The following STAU2 variants were observed in gnomAD, a reference collection of about 807,000 sequenced individuals.
STAU2 encodes the protein double-stranded RNA-binding protein Staufen homolog 2.
A neutral mutation model predicts 65.9 loss-of-function variants in STAU2; 20 were observed. That is an observed-to-expected ratio of 0.30 (90% CI 0.21 to 0.44). STAU2 has a LOEUF of 0.44. Among genes scored for constraint, STAU2 ranks in the 20% least tolerant of loss-of-function variants. The pLI is 1.00. For synonymous variants in STAU2, 232 were observed against 233.9 expected (o/e 0.99, Z 0.07); for missense variants, 558 against 683.9 (o/e 0.82, Z 2.05).
intron 12 of STAU2, among the ~76,000 whole-genome samples, chr8:73,568,888 T>C (rs1000549135): frequency 2.0e-5 from 3 of 152,168 alleles, no homozygotes; most frequent in African/African-American, 7.2e-5. Context: ...AACAGCTCCA[T>C]GCTGCAGCTC....
chr8:73,543,382 C>T (rs957835390), intron 13 of STAU2, among the ~76,000 whole-genome samples: 1 of 152,118 alleles, frequency 6.6e-6, no homozygotes, highest in Non-Finnish European at 1.5e-5. Flanking sequence ...TCAAACTGTA[C>T]AATATGGGTG....
At chr8:73,662,406 G>A (rs1399961193) in intron 6 of STAU2, among the ~76,000 whole-genome samples, 1 of 152,076 alleles carries the variant, frequency 6.6e-6, no homozygotes, top group African/African-American at 2.4e-5. Flanking sequence ...CATGATCCAT[G>A]TTTAAATTTT....
At chr8:73,738,626 G>C (rs530792165) in intron 2 of STAU2, among the ~76,000 whole-genome samples, 1 of 152,266 alleles carries the variant, frequency 6.6e-6, no homozygotes, top group Non-Finnish European at 1.5e-5. Context: ...TACGTCACTA[G>C]TAGCCACCAT....
chr8:73,673,441 T>C (rs1005466154), intron 5 of STAU2, among the ~76,000 whole-genome samples, 199 bp from the exon 6 acceptor site: 11 of 152,166 alleles, frequency 7.2e-5, no homozygotes, highest in African/African-American at 2.4e-4. Flanking sequence ...GATTTTGCAA[T>C]GTTTTCTGTA....
At chr8:73,587,255 T>C (rs146642576) in intron 11 of STAU2, among the ~76,000 whole-genome samples, 59 of 152,118 alleles carry the variant, frequency 3.9e-4, no homozygotes, top group African/African-American at 1.2e-3. Context: ...GTGGCAAATA[T>C]AAAAAAATTT....
intron 13 of STAU2, among the ~76,000 whole-genome samples, chr8:73,444,252 C>G (rs2128891966): frequency 6.6e-6 from 1 of 151,990 alleles, no homozygotes; most frequent in South Asian, 2.1e-4. Flanking sequence ...ATTAAAAATA[C>G]AAAATTAGCC....
chr8:73,514,891 TATAATCAATTTAGGACTTTATTTACAAA>T (rs1822620805), intron 13 of STAU2, among the ~76,000 whole-genome samples: 1 of 152,188 alleles, frequency 6.6e-6, no homozygotes. Flanking sequence ...AACTTTTAAT[TATAATCAATTTAGGACTTTATTTACAAA>T]ATAGAAGATA....
chr8:73,585,220 C>T (rs1439527196), intron 11 of STAU2, among the ~76,000 whole-genome samples: 1 of 152,242 alleles, frequency 6.6e-6, no homozygotes, highest in Non-Finnish European at 1.5e-5. Context: ...GTGGCTCAAG[C>T]CTGTAATCCC....
At chr8:73,575,058 A>G (rs1809425687) in intron 12 of STAU2, among the ~76,000 whole-genome samples, 1 of 151,466 alleles carries the variant, frequency 6.6e-6, no homozygotes, top group African/African-American at 2.4e-5. Flanking sequence ...AAGAAAAACC[A>G]AACTTTAAAA....
At chr8:73,600,031 G>A (rs886759886) in intron 10 of STAU2, among the ~76,000 whole-genome samples, 3 of 152,162 alleles carry the variant, frequency 2.0e-5, no homozygotes, top group Non-Finnish European at 2.9e-5. Flanking sequence ...GCCTCCCAAA[G>A]TGCTGGGATT....
rs151283602 is a variant in STAU2 at position 73,439,556 on chromosome 8, C to T, written c.1531-16854G>A. ...TTGCTTGAACCCGGGAGGTAGAGGC[C>T]GCAGTGACAGGGGTGGGAAAGAGGC... On this transcript the variant is annotated intron_variant, in intron 13 of 14. Coordinates refer to ENST00000524300, the MANE Select transcript of STAU2 (RefSeq NM_001164380.2). 8.5e-5 allele frequency among the ~76,000 whole-genome samples: 13 copies of T among 152,188 alleles called. No homozygotes were observed. The East Asian group carries it at 1.9e-3, about 23-fold the overall frequency.
chr8:73,586,154 G>A (rs1810351286), intron 11 of STAU2, among the ~76,000 whole-genome samples: 1 of 152,200 alleles, frequency 6.6e-6, no homozygotes, highest in Non-Finnish European at 1.5e-5. Context: ...GAAAGCAGAT[G>A]AAGAAGTTGT....
chr8:73,488,499 C>G (rs1159713950), intron 13 of STAU2, among the ~76,000 whole-genome samples: 1 of 151,908 alleles, frequency 6.6e-6, no homozygotes, highest in Non-Finnish European at 1.5e-5. Flanking sequence ...TAAGCTATAA[C>G]TTTAAAAATC....
intron 13 of STAU2, among the ~76,000 whole-genome samples, chr8:73,544,227 T>A (rs1196155987): frequency 6.6e-6 from 1 of 152,194 alleles, no homozygotes; most frequent in East Asian, 1.9e-4. Context: ...GTACCCTAGA[T>A]CCACTCCTCC....
intron 6 of STAU2, among the ~76,000 whole-genome samples, chr8:73,627,042 A>G (rs750269627): frequency 1.6e-4 from 25 of 151,654 alleles, no homozygotes; most frequent in Non-Finnish European, 3.1e-4. Context: ...AAGTGTTCCT[A>G]CTTTGCAACT....
Position 73,488,000 on chromosome 8 carries a change from T to C in STAU2, c.1530+64012A>G, listed in dbSNP as rs77122133. Among the ~76,000 whole-genome samples, 1,193 of 152,162 alleles carry C rather than the reference T, an allele frequency of 7.8e-3. 13 individuals carry two copies. Among genetic ancestry groups the C allele is most frequent in the African/African-American group, 0.026 (1,075 of 41,558 alleles). Reference sequence around the variant, plus strand: ...TGTTTACCATGAACAAAAAAACATTTTGTGTGGCTCAAATATTTAAGCTAG... The same window carrying C: ...TGTTTACCATGAACAAAAAAACATTCTGTGTGGCTCAAATATTTAAGCTAG... On this transcript the variant is annotated intron_variant, in intron 13 of 14. Coordinates refer to ENST00000524300, the MANE Select transcript of STAU2 (RefSeq NM_001164380.2).
intron 5 of STAU2, among the ~76,000 whole-genome samples, chr8:73,674,602 T>G (rs1028124694): frequency 8.6e-5 from 13 of 151,618 alleles, no homozygotes; most frequent in African/African-American, 3.1e-4. Flanking sequence ...TTCTAAAGAT[T>G]TTTTTAAACC....
intron 6 of STAU2, among the ~76,000 whole-genome samples, chr8:73,654,683 CTTTTTTT>C (rs764223379): frequency 1.6e-5 from 1 of 62,950 alleles, no homozygotes; most frequent in Non-Finnish European, 2.7e-5. Flanking sequence ...ATTATCAAAC[CTTTTTTT>C]TTTTTTTTTT....
chr8:73,455,373 C>A (rs942560671), intron 13 of STAU2, among the ~76,000 whole-genome samples: 1 of 152,108 alleles, frequency 6.6e-6, no homozygotes, highest in Non-Finnish European at 1.5e-5. Context: ...GCGGTCAGGG[C>A]GAAGGTTTTG....
Sources: allele counts gnomAD v4.1 joint callset (sites outside exome capture counted in the v4.1 genomes callset), GRCh38; gene constraint gnomAD v4.1.1; transcripts MANE v1.5; gene names NCBI Gene and HGNC (gene_info 2026-07-23, HGNC 2026-07-21).